Variants in PREX2 observed in about 807,000 individuals in gnomAD.
PREX2 encodes phosphatidylinositol 3,4,5-trisphosphate-dependent Rac exchanger 2 protein.
A neutral mutation model predicts 203.2 loss-of-function variants in PREX2; 107 were observed. That is an observed-to-expected ratio of 0.53 (90% CI 0.45 to 0.62). The LOEUF (loss-of-function observed/expected upper bound fraction) is 0.62. Ranked by LOEUF, PREX2 falls within the 20% of genes least tolerant of loss-of-function variation. The pLI is 0.00. For synonymous variants in PREX2, 672 were observed against 663.6 expected, an observed-to-expected ratio of 1.01 and a Z score of -0.19; for missense variants, 1,777 against 1,955.9, an observed-to-expected ratio of 0.91 and a Z score of 1.72.
intron 39 of PREX2, among the ~76,000 whole-genome samples, chr8:68,229,102 G>A (rs553555367): frequency 3.9e-5 from 6 of 152,172 alleles, no homozygotes; most frequent in East Asian, 1.9e-4. Context: ...TGAAAGAGGC[G>A]TTTACTTTGT....
rs376826947 is a variant in PREX2, at chr8:68,134,189, A to G, written c.3897A>G (p.Glu1299=). 3.5e-5 allele frequency: 56 copies of G among 1,614,016 alleles called. No homozygotes were observed. The highest frequency in any genetic ancestry group is 4.6e-5 in the Non-Finnish European group (54 of 1,180,010). Residue 1299 remains glutamate, a synonymous_variant, in exon 32 of 40, where the codon GAA becomes GAG. Transcript: ENST00000288368. The part of the protein sequence containing the change: ...MFDNSKENEM[E]TWEASRRWLD... ...ACAACAGCAAGGAAAATGAGATGGA[A>G]ACTTGGGAAGCCAGCAGGAGGTGGC...
At chr8:68,044,164 T>A (rs1360148051) in intron 7 of PREX2, among the ~76,000 whole-genome samples, 1 of 152,098 alleles carries the variant, frequency 6.6e-6, no homozygotes, top group African/African-American at 2.4e-5. Flanking sequence ...AATGGCCAGT[T>A]GTTAGTGTCT....
At chr8:68,100,318 C>A in intron 23 of PREX2, 1 of 401,930 alleles carries the variant, frequency 2.5e-6, no homozygotes, top group Non-Finnish European at 4.8e-6. Flanking sequence ...AAGTACTGTT[C>A]TAGGTTCCAG....
chr8:68,148,935 CT>C (rs1811379212), intron 34 of PREX2, among the ~76,000 whole-genome samples: 1 of 152,092 alleles, frequency 6.6e-6, no homozygotes, highest in Admixed American at 6.5e-5. Context: ...AAAATCAGAC[CT>C]AGTTTGAGTA....
At chr8:68,222,681 T>C (rs1258327043) in intron 38 of PREX2, among the ~76,000 whole-genome samples, 1 of 151,046 alleles carries the variant, frequency 6.6e-6, no homozygotes, top group Admixed American at 6.6e-5. Flanking sequence ...AGTCTCATAG[T>C]ATGTCCCTAA....
At chr8:68,010,209 G>T (rs922976182) in intron 1 of PREX2, among the ~76,000 whole-genome samples, 42 of 152,156 alleles carry the variant, frequency 2.8e-4, no homozygotes, top group African/African-American at 9.2e-4. Context: ...CCAAACAACT[G>T]GGAGCTAGCC....
chr8:68,212,473 CAG>C (rs1419276791), intron 37 of PREX2, among the ~76,000 whole-genome samples: 3 of 151,942 alleles, frequency 2.0e-5, no homozygotes, highest in Non-Finnish European at 4.4e-5. Flanking sequence ...AAAATAAAGT[CAG>C]AAAGAATTTA....
At chr8:67,953,832 AT>A (rs1563467783) in intron 1 of PREX2, among the ~76,000 whole-genome samples, 4 of 152,360 alleles carry the variant, frequency 2.6e-5, no homozygotes, top group African/African-American at 9.6e-5. Flanking sequence ...TAGAATTATT[AT>A]ATACTTCCTT....
chr8:68,215,343 C>G (rs1448513459), intron 37 of PREX2, among the ~76,000 whole-genome samples: 1 of 152,106 alleles, frequency 6.6e-6, no homozygotes, highest in Non-Finnish European at 1.5e-5. Context: ...AGACATATTT[C>G]AGCATGATTA....
At chr8:68,162,239 C>A (rs560968906) in intron 35 of PREX2, among the ~76,000 whole-genome samples, 1 of 152,012 alleles carries the variant, frequency 6.6e-6, no homozygotes, top group Non-Finnish European at 1.5e-5. Flanking sequence ...TAATTTTGAA[C>A]GATTTTATAC....
intron 1 of PREX2, among the ~76,000 whole-genome samples, chr8:68,014,125 G>A (rs1011699785): frequency 6.6e-6 from 1 of 152,144 alleles, no homozygotes; most frequent in African/African-American, 2.4e-5. Flanking sequence ...ACTAGCAACA[G>A]CATAAATGGG....
chr8:68,176,394 G>A (rs1811980813), intron 35 of PREX2, among the ~76,000 whole-genome samples: 1 of 149,320 alleles, frequency 6.7e-6, no homozygotes, highest in Non-Finnish European at 1.5e-5. Flanking sequence ...TTTCTGCAGT[G>A]GGGTGAGTGA....
At chr8:68,196,943 C>T (rs978563268) in intron 37 of PREX2, among the ~76,000 whole-genome samples, 1 of 152,084 alleles carries the variant, frequency 6.6e-6, no homozygotes, top group Admixed American at 6.5e-5. Context: ...CGGACTAACA[C>T]ACTGAGTAAT....
intron 37 of PREX2, among the ~76,000 whole-genome samples, chr8:68,206,924 T>C (rs1345923993): frequency 5.9e-5 from 9 of 152,098 alleles, no homozygotes. Flanking sequence ...CAAGAAAATA[T>C]AGTCCAAGGA....
intron 1 of PREX2, among the ~76,000 whole-genome samples, chr8:67,984,890 AG>A (rs1230708008): frequency 6.6e-6 from 1 of 152,138 alleles, no homozygotes; most frequent in African/African-American, 2.4e-5. Context: ...CAGGACGGAG[AG>A]GGAGAGGGGG....
chr8:67,971,249 A>G (rs1805919372), intron 1 of PREX2, among the ~76,000 whole-genome samples: 1 of 152,196 alleles, frequency 6.6e-6, no homozygotes, highest in South Asian at 2.1e-4. Flanking sequence ...GCCAGAGTGC[A>G]GGAATGGCTC....
chr8:68,064,553 T>A (rs75496741), intron 11 of PREX2, among the ~76,000 whole-genome samples: 3 of 144,270 alleles, frequency 2.1e-5, no homozygotes, highest in Admixed American at 7.0e-5. Flanking sequence ...TTTTTTTTTT[T>A]AATTTGTAGA....
intron 1 of PREX2, among the ~76,000 whole-genome samples, chr8:68,001,907 C>T (rs1027050619): frequency 2.0e-5 from 3 of 151,906 alleles, no homozygotes. Flanking sequence ...CACTTGGACA[C>T]GAAGAGGGGA....
In PREX2 at chr8:68,224,412, C is replaced by T. The variant is rs954427986; in HGVS notation, c.4708-147C>T. The T allele has an allele frequency of 1.1e-5, 7 of 646,774 alleles. No homozygotes were observed. The Admixed American group carries it at 1.3e-4, about 12-fold the overall frequency. The allele number at this position is 646,774 out of a possible 1,614,324, so 40.1% of individuals were successfully genotyped here. A position where few individuals can be genotyped will look rare whatever the true frequency, so the allele number is the denominator to read the frequency against. ...TAAAAGCATTGATTTTGAAAATGCT[C>T]AGACAGCGATGTCTGTCTTTCTCTT... On this transcript the variant is annotated intron_variant, in intron 38 of 39. Coordinates refer to ENST00000288368, the MANE Select transcript of PREX2 (RefSeq NM_024870.4).
Sources: allele counts gnomAD v4.1 joint callset (sites outside exome capture counted in the v4.1 genomes callset), GRCh38; gene constraint gnomAD v4.1.1; transcripts MANE v1.5; gene names NCBI Gene and HGNC (gene_info 2026-07-23, HGNC 2026-07-21).